Variants in YAP1 observed in about 807,000 individuals in gnomAD.
YAP1 encodes the protein Yes1 associated transcriptional regulator.
In YAP1, 5 loss-of-function variants were observed where a neutral mutation model predicts 56.9. The ratio of observed to expected loss-of-function variants is 0.09; its 90% confidence interval spans 0.05 to 0.18. YAP1 has a LOEUF of 0.18. YAP1 is among the 10% of genes least tolerant of loss of function. The pLI is 1.00. For missense variants in YAP1, 539 were observed against 651.8 expected (o/e 0.83, Z 1.88); for synonymous variants, 265 against 248.1 (o/e 1.07, Z -0.64).
rs545802254 is a variant in YAP1, at chr11:102,221,102, A to G, written c.1033-2520A>G. ...GTTCAGGAAGCTGTCAGGTTAAGTG[A>G]ATTGTCCATTTAATACTGAAGCATG... On this transcript the variant is annotated intron_variant, in intron 6 of 8. Coordinates refer to ENST00000282441, the MANE Select transcript of YAP1 (RefSeq NM_001130145.3). Among the ~76,000 whole-genome samples the G allele has an allele frequency of 4.6e-5, 7 of 152,320 alleles. No individual in the cohort carries two copies. The South Asian group carries it at 1.5e-3, about 32-fold the overall frequency.
intron 6 of YAP1, among the ~76,000 whole-genome samples, chr11:102,221,507 T>C (rs981248285): frequency 8.5e-5 from 13 of 152,280 alleles, no homozygotes; most frequent in African/African-American, 2.9e-4. Context: ...GTAGATCATC[T>C]GAGCCTGGGA....
chr11:102,177,650 C>T (rs972074357), intron 3 of YAP1, among the ~76,000 whole-genome samples: 4 of 144,328 alleles, frequency 2.8e-5, no homozygotes, highest in African/African-American at 5.3e-5. Flanking sequence ...GCACTCTAGC[C>T]TGGCGACAGA....
Position 102,232,786 on chromosome 11 carries a change from G to C in YAP1, c.*2846G>C, listed in dbSNP as rs1202744745. ...TGTTATTTTCAGTCAGGGCTTCTTA[G>C]ATCTACTTATGGTTGATGGAGCACA... is the stretch of plus-strand genomic sequence containing the variant. On this transcript the variant is annotated 3_prime_UTR_variant, in exon 9 of 9. Transcript: ENST00000282441. The C allele has an allele frequency of 6.6e-6, 1 of 152,570 alleles. No homozygotes were observed. The highest frequency in any genetic ancestry group is 1.5e-5 in the Non-Finnish European group (1 of 68,020). The allele number at this position is 152,570 out of a possible 1,614,324, so 9.5% of individuals were successfully genotyped here.
chr11:102,188,693 C>T (rs906995075), intron 4 of YAP1, among the ~76,000 whole-genome samples: 14 of 152,190 alleles, frequency 9.2e-5, no homozygotes, highest in Non-Finnish European at 2.1e-4. Flanking sequence ...ACCTTACAGC[C>T]TAGGCATGTA....
At chr11:102,133,771 T>TTA (rs1944510896) in intron 2 of YAP1, among the ~76,000 whole-genome samples, 1 of 152,194 alleles carries the variant, frequency 6.6e-6, no homozygotes, top group Non-Finnish European at 1.5e-5. Flanking sequence ...CGGTTACTAG[T>TTA]TATCTTAGTC....
chr11:102,154,966 A>G (rs1405796424), intron 2 of YAP1, among the ~76,000 whole-genome samples: 2 of 152,200 alleles, frequency 1.3e-5, no homozygotes, highest in Admixed American at 1.3e-4. Context: ...TATATGGATA[A>G]CATACTTTGT....
intron 4 of YAP1, 147 bp downstream of exon 4, chr11:102,186,278 T>G (rs1947940660): frequency 3.4e-6 from 3 of 879,702 alleles, no homozygotes; most frequent in South Asian, 3.4e-5. Flanking sequence ...CCAGTAGTGT[T>G]TTTATCCTTC....
chr11:102,172,475 C>CTTTT lies in YAP1; in HGVS notation c.688+9904_688+9905insTTTT, dbSNP rs368895891. On this transcript the variant is annotated intron_variant, in intron 3 of 8. Transcript: ENST00000282441. ...TACAGGCATACGGCACCATGCACAG[C>CTTTT]GTTTTTTTTTTTTTTTTTTTGGTAG... Among the ~76,000 whole-genome samples the CTTTT allele has an allele frequency of 4.7e-5, 5 of 106,198 alleles. 1 individual carries two copies. Among genetic ancestry groups the CTTTT allele is most frequent in the Non-Finnish European group, 3.8e-5 (2 of 53,218 alleles). The allele number at this position is 106,198 out of a possible 152,430, so 69.7% of individuals were successfully genotyped here.
intron 6 of YAP1, among the ~76,000 whole-genome samples, chr11:102,221,407 G>A (rs1016235192): frequency 5.9e-5 from 9 of 151,986 alleles, no homozygotes; most frequent in South Asian, 2.1e-4. Context: ...GTGATATAAC[G>A]TGCTTCTTTT....
At chr11:102,202,539 C>G (rs1432261117) in intron 4 of YAP1, among the ~76,000 whole-genome samples, 1 of 151,174 alleles carries the variant, frequency 6.6e-6, no homozygotes, top group Admixed American at 6.6e-5. Context: ...ACCAACTCAT[C>G]ATCCTGAAAG....
chr11:102,220,579 T>TA (rs1949878123), intron 6 of YAP1, among the ~76,000 whole-genome samples: 1 of 152,060 alleles, frequency 6.6e-6, no homozygotes, highest in South Asian at 2.1e-4. Context: ...GTCATGAATT[T>TA]AAGCTTGTAG....
chr11:102,226,496 C>G (rs921231416), intron 7 of YAP1, among the ~76,000 whole-genome samples: 1 of 152,196 alleles, frequency 6.6e-6, no homozygotes, highest in African/African-American at 2.4e-5. Flanking sequence ...AGTTGAAGTT[C>G]ACACTCACAC....
At chr11:102,181,221 G>C (rs557243318) in intron 3 of YAP1, among the ~76,000 whole-genome samples, 2 of 151,822 alleles carry the variant, frequency 1.3e-5, no homozygotes, top group Non-Finnish European at 2.9e-5. Flanking sequence ...TGAGGTGGGC[G>C]GATCACGAGG....
At chr11:102,163,502 T>C (rs552836588) in intron 3 of YAP1, among the ~76,000 whole-genome samples, 1 of 152,144 alleles carries the variant, frequency 6.6e-6, no homozygotes, top group East Asian at 1.9e-4. Context: ...TTGGAGCATT[T>C]GGGCTGGATT....
intron 2 of YAP1, among the ~76,000 whole-genome samples, chr11:102,143,613 A>T (rs568899728): frequency 6.6e-6 from 1 of 152,212 alleles, no homozygotes; most frequent in Non-Finnish European, 1.5e-5. Flanking sequence ...CATAAACTGT[A>T]AAGGGCCATA....
At chr11:102,121,582 A>G (rs1004893543) in intron 2 of YAP1, among the ~76,000 whole-genome samples, 2 of 152,096 alleles carry the variant, frequency 1.3e-5, no homozygotes, top group Non-Finnish European at 2.9e-5. Flanking sequence ...CATACTGTCT[A>G]TGCTACCTCC....
intron 2 of YAP1, among the ~76,000 whole-genome samples, chr11:102,139,721 G>A (rs1341305634): frequency 1.3e-5 from 2 of 152,050 alleles, no homozygotes; most frequent in East Asian, 1.9e-4. Flanking sequence ...TTTTACTTAC[G>A]CTTATAAAAA....
Position 102,110,986 on chromosome 11 carries a change from G to A in YAP1, c.138G>A (p.Gln46=). The change falls in exon 1 of 9, where the codon CAG becomes CAA. Residue 46 remains glutamine, a synonymous_variant. Coordinates refer to ENST00000282441, the MANE Select transcript of YAP1 (RefSeq NM_001130145.3). ...CCGCGGCGACCCAGGCGGCGCCGCA[G>A]GCACCCCCCGCCGGGCATCAGATCG... The part of the protein sequence containing the change: ...PAPAATQAAP[Q]APPAGHQIVH... 1.3e-6 allele frequency: 2 copies of A among 1,547,994 alleles called. No individual in the cohort carries two copies. The highest frequency in any genetic ancestry group is 1.4e-5 in the African/African-American group (1 of 70,284).
chr11:102,188,839 C>T (rs1476930860), intron 4 of YAP1, among the ~76,000 whole-genome samples: 1 of 152,184 alleles, frequency 6.6e-6, no homozygotes, highest in Non-Finnish European at 1.5e-5. Flanking sequence ...ATCAATCCTT[C>T]ACATCTCACA....
Sources: allele counts gnomAD v4.1 joint callset (sites outside exome capture counted in the v4.1 genomes callset), GRCh38; gene constraint gnomAD v4.1.1; transcripts MANE v1.5; gene names NCBI Gene and HGNC (gene_info 2026-07-23, HGNC 2026-07-21).